Variants in BTG4 observed in about 807,000 individuals in gnomAD.
BTG4 encodes BTG anti-proliferation factor 4, also known as protein BTG4.
In BTG4, 10 loss-of-function variants were observed where a neutral mutation model predicts 19.3. The ratio of observed to expected loss-of-function variants is 0.52; its 90% CI spans 0.32 to 0.88. BTG4 has a LOEUF of 0.88. Ranked by LOEUF, BTG4 falls within the 40% of genes least tolerant of loss-of-function variation. The pLI is 0.04. For synonymous variants in BTG4, 91 were observed against 95.7 expected (o/e 0.95, Z 0.29); for missense variants, 238 against 281.9 (o/e 0.84, Z 1.11).
chr11:111,503,885 G>A (rs1055594702), intron 1 of BTG4, among the ~76,000 whole-genome samples: 1 of 151,934 alleles, frequency 6.6e-6, no homozygotes, highest in Non-Finnish European at 1.5e-5. Context: ...TCGAAAATCT[G>A]GTTCTACATT....
chr11:111,509,520 C>A (rs1866708932), intron 1 of BTG4, among the ~76,000 whole-genome samples: 1 of 151,876 alleles, frequency 6.6e-6, no homozygotes, highest in South Asian at 2.1e-4. Context: ...CATAGTGAAA[C>A]CCCATCTCTA....
chr11:111,405,440 T>C, the BTG4 span, among the ~76,000 whole-genome samples: 6 of 76,572 alleles, frequency 7.8e-5, no homozygotes, highest in Non-Finnish European at 1.3e-4. Flanking sequence ...AAAAAAGATG[T>C]CAGGACCATG....
chr11:111,484,304 AAAAT>A (rs1864920375), intron 5 of BTG4, among the ~76,000 whole-genome samples: 1 of 152,318 alleles, frequency 6.6e-6, no homozygotes, highest in South Asian at 2.1e-4. Flanking sequence ...AGTACACAGA[AAAAT>A]AAATACACTA....
chr11:111,424,095 C>G, the BTG4 span, among the ~76,000 whole-genome samples: 3 of 152,218 alleles, frequency 2.0e-5, no homozygotes, highest in African/African-American at 7.2e-5. Flanking sequence ...CCTCTCCCAT[C>G]CTGCCCATCG....
the BTG4 span, among the ~76,000 whole-genome samples, chr11:111,401,360 TAGTCCCAGCTACTCAGGGGGCTG>T: frequency 6.6e-6 from 1 of 151,586 alleles, no homozygotes; most frequent in Non-Finnish European, 1.5e-5. Flanking sequence ...GAGGCGCCTG[TAGTCCCAGCTACTCAGGGGGCTG>T]AGGCAGGAGA....
the BTG4 span, among the ~76,000 whole-genome samples, chr11:111,428,304 C>CTTTTCT: frequency 2.1e-5 from 3 of 144,572 alleles, no homozygotes; most frequent in Non-Finnish European, 4.6e-5. Flanking sequence ...AGACCCTACA[C>CTTTTCT]CCTTCTCTAT....
chr11:111,474,970 A>AT (rs1864315761), intron 5 of BTG4: 1 of 152,440 alleles, frequency 6.6e-6, no homozygotes, highest in Non-Finnish European at 1.5e-5. Flanking sequence ...CCCATTTTCC[A>AT]TTAGATTGTG....
At chr11:111,432,410 G>A in the BTG4 span, among the ~76,000 whole-genome samples, 269 of 152,308 alleles carry the variant, frequency 1.8e-3, no homozygotes, top group African/African-American at 6.2e-3. Context: ...TTGGGAAGTC[G>A]AGGTGGGTAG....
chr11:111,392,004 T>C, the BTG4 span, among the ~76,000 whole-genome samples: 3 of 151,862 alleles, frequency 2.0e-5, no homozygotes, highest in African/African-American at 7.3e-5. Context: ...TCAATAAATG[T>C]TTGCTGGATT....
the BTG4 span, among the ~76,000 whole-genome samples, chr11:111,412,800 C>T: frequency 1.5e-3 from 234 of 152,290 alleles, no homozygotes; most frequent in South Asian, 2.7e-3. Context: ...CAAGTCATAA[C>T]GGAAGAATGG....
At chr11:111,510,135 C>G (rs932079696) in intron 1 of BTG4, among the ~76,000 whole-genome samples, 2 of 152,084 alleles carry the variant, frequency 1.3e-5, no homozygotes, top group South Asian at 4.2e-4. Context: ...TGGTCTCTAT[C>G]TCTTGACCTC....
At chr11:111,501,169 C>T (rs138553841) in intron 1 of BTG4, among the ~76,000 whole-genome samples, 1 of 151,938 alleles carries the variant, frequency 6.6e-6, no homozygotes, top group Non-Finnish European at 1.5e-5. Flanking sequence ...AGTTTGAGGC[C>T]GGCCTGGGCA....
chr11:111,455,502 G>A, the BTG4 span: 6 of 234,678 alleles, frequency 2.6e-5, no homozygotes, highest in South Asian at 1.7e-4. Context: ...AAACCTCCTC[G>A]GGAGGCAGGA....
chr11:111,455,559 T>C, the BTG4 span: 251,454 of 252,256 alleles, frequency 1, 125,335 homozygotes, highest in East Asian at 1. Context: ...TCAGCAGCAG[T>C]TGAAAGCACA....
At chr11:111,471,863 T>A (rs1005715328) in intron 5 of BTG4, among the ~76,000 whole-genome samples, 1 of 152,198 alleles carries the variant, frequency 6.6e-6, no homozygotes, top group Non-Finnish European at 1.5e-5. Context: ...TCTCAACTGA[T>A]AGAAACTGTT....
At chr11:111,451,133 C>A in the BTG4 span, 4 of 232,682 alleles carry the variant, frequency 1.7e-5, no homozygotes, top group Admixed American at 1.6e-4. Flanking sequence ...AGAGTATGAC[C>A]TGTGAGTGTC....
At chr11:111,501,326 G>A (rs567104313) in intron 1 of BTG4, among the ~76,000 whole-genome samples, 2 of 152,152 alleles carry the variant, frequency 1.3e-5, no homozygotes, top group South Asian at 4.2e-4. Flanking sequence ...AGCTATGATT[G>A]TGTCACTGCA....
the BTG4 span, chr11:111,456,715 G>T: frequency 5.7e-6 from 2 of 349,236 alleles, no homozygotes; most frequent in African/African-American, 2.1e-5. This position sits in a 1 kb window ranked among gnomAD's most constrained non-coding sequence, Gnocchi z 4.2. Context: ...AGCTACCCTG[G>T]TGCCCACTAT....
chr11:111,412,412 TC>T, the BTG4 span, among the ~76,000 whole-genome samples: 1 of 152,218 alleles, frequency 6.6e-6, no homozygotes. Flanking sequence ...TTAAAAGATG[TC>T]CCATAACTTA....
Sources: gnomAD v4.1 joint callset for allele counts (sites outside exome capture counted in the v4.1 genomes callset) on GRCh38, gnomAD v4.1.1 for gene constraint, Gnocchi (gnomAD v3.1) non-coding constraint, MANE v1.5 for transcripts, NCBI Gene and HGNC (gene_info 2026-07-23, HGNC 2026-07-21) for gene names.